SPATA13: variants seen among roughly 807,000 people sequenced by gnomAD.
SPATA13 encodes the protein spermatogenesis associated 13.
A neutral mutation model predicts 104.0 loss-of-function variants in SPATA13; 50 were observed. The ratio of observed to expected loss-of-function variants is 0.48; its 90% CI spans 0.38 to 0.61. The LOEUF (loss-of-function observed/expected upper bound fraction) is 0.61, where lower values mean the gene tolerates loss of function less well. SPATA13 is among the 20% of genes least tolerant of loss of function. The probability of loss-of-function intolerance (pLI) is 0.00; values close to 1 mark genes in which losing one functional copy is unlikely to be tolerated. For missense variants in SPATA13, 1,524 were observed against 1,690.6 expected, an observed-to-expected ratio of 0.90 and a Z score of 1.73; for synonymous variants, 606 against 667.5, an observed-to-expected ratio of 0.91 and a Z score of 1.42.
At chr13:24,296,055 A>G (rs967621182) in intron 10 of SPATA13, among the ~76,000 whole-genome samples, 2 of 152,212 alleles carry the variant, frequency 1.3e-5, no homozygotes, top group Non-Finnish European at 2.9e-5. Flanking sequence ...TTTTACATCT[A>G]TTAATTGGTC....
chr13:24,122,954 A>G, intron 3 of SPATA13: 1 of 782,326 alleles, frequency 1.3e-6, no homozygotes, highest in Non-Finnish European at 2.4e-6. Context: ...GAAGCGTGTC[A>G]GGTGTATTCA....
intron 1 of SPATA13, among the ~76,000 whole-genome samples, chr13:24,177,247 GA>G (rs1389301021): frequency 6.6e-6 from 1 of 152,040 alleles, no homozygotes; most frequent in African/African-American, 2.4e-5. Flanking sequence ...ATAGATATGT[GA>G]AAAAAAGAGA....
chr13:24,118,471 A>G (rs950779324), intron 3 of SPATA13, among the ~76,000 whole-genome samples: 2 of 152,192 alleles, frequency 1.3e-5, no homozygotes, highest in African/African-American at 2.4e-5. Flanking sequence ...ACTGAAATGT[A>G]GAATCATTAC....
chr13:24,216,689 C>T (rs945591467), intron 1 of SPATA13, among the ~76,000 whole-genome samples: 1 of 152,182 alleles, frequency 6.6e-6, no homozygotes, highest in African/African-American at 2.4e-5. Context: ...AGGACGGTGT[C>T]TGGCATTAGG....
intron 3 of SPATA13, among the ~76,000 whole-genome samples, chr13:24,041,079 C>T (rs1004507646): frequency 6.6e-6 from 1 of 152,172 alleles, no homozygotes; most frequent in Non-Finnish European, 1.5e-5. Context: ...ACAATGCCTG[C>T]CTGTGCTCTT....
intron 2 of SPATA13, among the ~76,000 whole-genome samples, chr13:24,234,874 G>A (rs1295009899): frequency 2.0e-5 from 3 of 152,112 alleles, no homozygotes; most frequent in African/African-American, 7.2e-5. Flanking sequence ...AAGGTAGTTG[G>A]GCCTTGTTCT....
At chr13:24,280,501 T>TC in intron 4 of SPATA13, among the ~76,000 whole-genome samples, 1 of 151,806 alleles carries the variant, frequency 6.6e-6, no homozygotes, top group Admixed American at 6.6e-5. Context: ...CTTTTTTTTT[T>TC]TTTTTGGCTC....
chr13:24,233,626 T>TA (rs913379299), intron 2 of SPATA13, among the ~76,000 whole-genome samples: 117 of 150,318 alleles, frequency 7.8e-4, no homozygotes, highest in African/African-American at 2.5e-3. Flanking sequence ...TAAGTCAGTT[T>TA]AAAAAAAAAA....
At chr13:24,225,655 T>C (rs1871892467) in intron 2 of SPATA13, among the ~76,000 whole-genome samples, 1 of 152,202 alleles carries the variant, frequency 6.6e-6, no homozygotes, top group African/African-American at 2.4e-5. Context: ...CTGCTTCCTG[T>C]TGCATGTTGC....
chr13:23,994,949 G>C (rs1038677663), intron 2 of SPATA13, among the ~76,000 whole-genome samples: 1 of 152,154 alleles, frequency 6.6e-6, no homozygotes, highest in South Asian at 2.1e-4. Flanking sequence ...CTGAACTAGG[G>C]GTGATTTTAC....
Position 24,136,687 on chromosome 13 carries a change from G to A in SPATA13, c.-111-86132G>A, listed in dbSNP as rs1012612513. Reference sequence around the variant, plus strand: ...GTTGTGGATTCTCTGGGCCTATTGGGCTCTGAGAGATAGGCCCCAGCACAA... The same window carrying A: ...GTTGTGGATTCTCTGGGCCTATTGGACTCTGAGAGATAGGCCCCAGCACAA... On this transcript the variant is annotated intron_variant, in intron 3 of 14. Transcript: ENST00000424834. Among the ~76,000 whole-genome samples, 9 of 152,314 alleles carry A rather than the reference G, an allele frequency of 5.9e-5. No homozygotes were observed. The East Asian group carries it at 1.7e-3, about 29-fold the overall frequency.
rs201085395 is a variant in SPATA13 at position 24,034,825 on chromosome 13, C to T, written c.-112+17124C>T. The T allele has an allele frequency of 7.9e-5, 12 of 152,386 alleles. No individual in the cohort carries two copies. In the East Asian group the frequency reaches 2.3e-3, roughly 29 times the overall value. The allele number at this position is 152,386 out of a possible 1,614,324, so 9.4% of individuals were successfully genotyped here. On this transcript the variant is annotated intron_variant, in intron 3 of 14. Coordinates refer to the SPATA13 transcript ENST00000424834. ...TGTCCCCAGAGAGCAGAAGCAAAAG[C>T]TCTCATCAGTCTTCTAAGAGGCTGA...
chr13:23,999,866 T>C (rs2765175), intron 2 of SPATA13, among the ~76,000 whole-genome samples: 1 of 152,066 alleles, frequency 6.6e-6, no homozygotes, highest in Non-Finnish European at 1.5e-5. Context: ...TAGATACTTA[T>C]GCAAAGCAAA....
chr13:24,299,062 C>T (rs1262369747), intron 11 of SPATA13, among the ~76,000 whole-genome samples: 6 of 152,134 alleles, frequency 3.9e-5, no homozygotes, highest in Admixed American at 6.5e-5. Flanking sequence ...GCTAATCACT[C>T]GTGCCCAGAA....
intron 3 of SPATA13, among the ~76,000 whole-genome samples, chr13:24,105,044 A>C (rs559210430): frequency 5.9e-5 from 9 of 152,296 alleles, no homozygotes; most frequent in Admixed American, 5.9e-4. Flanking sequence ...AGAAGAAGTC[A>C]CTTGGTCTTC....
At chr13:24,251,893 C>A in intron 4 of SPATA13, 31 bp downstream of exon 4, 1 of 1,600,602 alleles carries the variant, frequency 6.2e-7, no homozygotes, top group Non-Finnish European at 8.5e-7. Context: ...CCTTTCAGAG[C>A]TGCTATGGGC....
chr13:24,256,133 G>A (rs1040693873), intron 4 of SPATA13, among the ~76,000 whole-genome samples: 6 of 152,148 alleles, frequency 3.9e-5, no homozygotes, highest in African/African-American at 1.4e-4. Context: ...GCTTTTGTGT[G>A]TATTTGAAAT....
chr13:24,099,696 G>A (rs1465980083), intron 3 of SPATA13, among the ~76,000 whole-genome samples: 1 of 152,228 alleles, frequency 6.6e-6, no homozygotes. Context: ...AAGCACAGAG[G>A]ATGAGCGCCA....
At chr13:24,027,385 G>A (rs967072597) in intron 3 of SPATA13, among the ~76,000 whole-genome samples, 3 of 150,534 alleles carry the variant, frequency 2.0e-5, no homozygotes, top group East Asian at 2.0e-4. Context: ...CACCCGCCTC[G>A]GCCTCCCAAA....
Sources: allele counts gnomAD v4.1 joint callset (sites outside exome capture counted in the v4.1 genomes callset), GRCh38; gene constraint gnomAD v4.1.1; transcripts MANE v1.5; gene names NCBI Gene and HGNC (gene_info 2026-07-23, HGNC 2026-07-21).